The following OGT variants were observed in gnomAD, a reference collection of about 807,000 sequenced individuals.
OGT encodes UDP-N-acetylglucosamine--peptide N-acetylglucosaminyltransferase 110 kDa subunit.
A neutral mutation model predicts 75.8 loss-of-function variants in OGT; 3 were observed. The observed-to-expected ratio is 0.04, with a 90% CI of 0.02 to 0.10. The LOEUF (loss-of-function observed/expected upper bound fraction) is 0.10, where lower values mean the gene tolerates loss of function less well. Ranked by LOEUF, OGT falls within the 10% of genes least tolerant of loss-of-function variation. The pLI, the probability that OGT is intolerant of heterozygous loss-of-function variation, is 1.00. For synonymous variants in OGT, 257 were observed against 289.7 expected (o/e 0.89, Z 1.15); for missense variants, 260 against 824.4 (o/e 0.32, Z 8.38).
At chrX:71,559,787 T>G in intron 14 of OGT, 110 bp downstream of exon 14, 1 of 521,474 alleles carries the variant, frequency 1.9e-6, no homozygotes, top group Non-Finnish European at 3.1e-6. Context: ...GTACCACATA[T>G]AGGCAATTGT....
At chrX:71,559,878 CT>C (rs2040370069) in intron 14 of OGT, among the ~76,000 whole-genome samples, 1 of 111,986 alleles carries the variant, frequency 8.9e-6, no homozygotes, top group South Asian at 3.6e-4. Context: ...ATGTGTTATG[CT>C]TGTGCTTGGA....
chrX:71,569,982 C>T (rs1166490859), intron 21 of OGT, among the ~76,000 whole-genome samples: 15 of 105,479 alleles, frequency 1.4e-4, no homozygotes, highest in African/African-American at 4.9e-4. Flanking sequence ...GATCCACCCA[C>T]CTTGGCCTCC....
intron 4 of OGT, chrX:71,546,340 T>G: frequency 1.3e-6 from 1 of 754,346 alleles, no homozygotes; most frequent in Non-Finnish European, 1.6e-6. Flanking sequence ...GATATTGTAT[T>G]TAGAAGGTTT....
At position 71,564,741 on chromosome X, in the gene OGT, G is replaced by A. The variant is rs1476147976; in HGVS notation, c.2577G>A (p.Gln859=). The change falls in exon 19 of 22, where the codon CAG becomes CAA. Residue 859 remains glutamine (Q), a synonymous_variant. Coordinates refer to ENST00000373719, the MANE Select transcript of OGT (RefSeq NM_181672.3). ...QLYKIDPSTL[Q]MWANILKRVP... ...ATAAAATTGACCCTTCTACTTTGCA[G>A]ATGTGGGCAAACGTGAGTATGCAAG... 1.7e-6 allele frequency: 2 copies of A among 1,194,046 alleles called. No individual in the cohort carries two copies. The highest frequency in any genetic ancestry group is 1.8e-5 in the South Asian group (1 of 54,774).
intron 5 of OGT, among the ~76,000 whole-genome samples, chrX:71,550,591 C>T (rs1033462894): frequency 5.4e-5 from 6 of 111,352 alleles, no homozygotes; most frequent in Non-Finnish European, 1.1e-4. Flanking sequence ...ATCCTTTGCC[C>T]GTATTTTAAT....
chrX:71,538,142 A>T, intron 3 of OGT, 70 bp downstream of exon 3: 2 of 1,108,742 alleles, frequency 1.8e-6, no homozygotes, highest in Non-Finnish European at 2.4e-6. Context: ...GATATTTCAG[A>T]CACTAAAGTA....
At chrX:71,556,179 A>G (rs2040342327) in intron 8 of OGT, 85 bp downstream of exon 8, 1 of 1,022,035 alleles carries the variant, frequency 9.8e-7, no homozygotes, top group Non-Finnish European at 1.3e-6. Flanking sequence ...TCTTTTGTAA[A>G]AATAGTGGTT....
chrX:71,533,184 T>C lies in OGT; in HGVS notation c.-116T>C. On this transcript the variant is annotated 5_prime_UTR_variant, in exon 1 of 22. Transcript: ENST00000373719. ...GTAACTGCTGCCGCCGCTCAAGCCC[T>C]CCAGAGCATTGCTACGGCTGCTGCC... 1.4e-6 allele frequency: 1 copy of C among 735,333 alleles called. No individual in the cohort carries two copies. Among genetic ancestry groups the C allele is most frequent in the South Asian group, 2.3e-5 (1 of 42,773 alleles). 60.6% of individuals were successfully genotyped at this position (735,333 alleles called of 1,213,427 possible).
At chrX:71,571,494 G>A (rs1024857263) in intron 21 of OGT, among the ~76,000 whole-genome samples, 1 of 111,948 alleles carries the variant, frequency 8.9e-6, no homozygotes, top group Non-Finnish European at 1.9e-5. Flanking sequence ...TCCGCCTCCC[G>A]GGCTCAAGCA....
At chrX:71,551,518 G>C (rs932726919) in intron 5 of OGT, among the ~76,000 whole-genome samples, 2 of 112,073 alleles carry the variant, frequency 1.8e-5, no homozygotes, top group African/African-American at 6.5e-5. Flanking sequence ...TGTAATCCCA[G>C]CTACTCAGGA....
At chrX:71,540,641 T>G (rs2040210771) in intron 3 of OGT, among the ~76,000 whole-genome samples, 1 of 111,139 alleles carries the variant, frequency 9.0e-6, no homozygotes, top group African/African-American at 3.3e-5. Flanking sequence ...TGTTGGGTGT[T>G]TTCATAATTT....
intron 14 of OGT, among the ~76,000 whole-genome samples, chrX:71,561,384 G>A (rs2040383069): frequency 9.2e-6 from 1 of 109,032 alleles, no homozygotes; most frequent in South Asian, 4.0e-4. Context: ...TGTGGCTCAC[G>A]TGTATAATCC....
rs1368892822 is a variant in OGT at position 71,533,169 on chromosome X, C to T, written c.-131C>T. On this transcript the variant is annotated 5_prime_UTR_variant, in exon 1 of 22. Transcript: ENST00000373719. ...CAGGGTTTGAAGCCTGTAACTGCTG[C>T]CGCCGCTCAAGCCCTCCAGAGCATT... 4 of 611,570 alleles carry T rather than the reference C, an allele frequency of 6.5e-6. No homozygotes were observed. In the East Asian group the frequency reaches 1.4e-4, roughly 22 times the overall value. The allele number at this position is 611,570 out of a possible 1,213,427, so 50.4% of individuals were successfully genotyped here.
intron 14 of OGT, among the ~76,000 whole-genome samples, chrX:71,560,591 T>C (rs1438672882): frequency 2.7e-5 from 3 of 112,160 alleles, no homozygotes; most frequent in African/African-American, 9.7e-5. Flanking sequence ...TGTATAAATA[T>C]ACATGTGTAT....
chrX:71,548,008 T>C lies in OGT; in HGVS notation c.633T>C (p.Ile211=). 1 of 1,210,313 alleles carries C rather than the reference T, an allele frequency of 8.3e-7. No individual in the cohort carries two copies. Among genetic ancestry groups the C allele is most frequent in the Non-Finnish European group, 1.1e-6 (1 of 894,797 alleles). Residue 211 remains isoleucine, a synonymous_variant, in exon 5 of 22, where the codon ATT becomes ATC. Coordinates refer to ENST00000373719, the MANE Select transcript of OGT (RefSeq NM_181672.3). ...FNAQGEIWLA[I]HHFEKAVTLD... ...CACAAGGGGAAATTTGGCTTGCAAT[T>C]CATCACTTTGAAAAGGTTAGTCATT... is the stretch of plus-strand genomic sequence containing the variant.
intron 3 of OGT, among the ~76,000 whole-genome samples, chrX:71,543,109 TG>T (rs1212891553): frequency 3.6e-5 from 4 of 111,690 alleles, no homozygotes; most frequent in Non-Finnish European, 7.5e-5. Context: ...ACCTGATGGA[TG>T]ATACTATACA....
At chrX:71,564,788 T>C in intron 19 of OGT, 35 bp downstream of exon 19, 3 of 1,058,111 alleles carry the variant, frequency 2.8e-6, no homozygotes, top group South Asian at 4.1e-5. Context: ...CTAATAAAGA[T>C]TTTGTATCTA....
chrX:71,570,794 T>G (rs1468109269), intron 21 of OGT, among the ~76,000 whole-genome samples: 1 of 108,852 alleles, frequency 9.2e-6, no homozygotes, highest in African/African-American at 3.4e-5. Flanking sequence ...TAGTAAAAAA[T>G]GTAGTGCGTT....
chrX:71,561,669 G>T, intron 14 of OGT, 106 bp from the exon 15 acceptor site: 1 of 627,430 alleles, frequency 1.6e-6, no homozygotes, highest in South Asian at 4.9e-5. Flanking sequence ...CTGGGAATCT[G>T]AATTATGTTA....
Sources: allele counts gnomAD v4.1 joint callset (sites outside exome capture counted in the v4.1 genomes callset), GRCh38; gene constraint gnomAD v4.1.1; transcripts MANE v1.5; gene names NCBI Gene and HGNC (gene_info 2026-07-23, HGNC 2026-07-21).